C12orf56: variants seen among roughly 807,000 people sequenced by gnomAD.
C12orf56 encodes the protein uncharacterized protein C12orf56.
C12orf56 carries 71 observed loss-of-function variants against 69.9 expected under a neutral mutation model. The observed-to-expected ratio is 1.02, with a 90% CI of 0.84 to 1.24. C12orf56 has a LOEUF of 1.24. Ranked by LOEUF, C12orf56 falls within the 50% of genes most tolerant of loss-of-function variation. The pLI, the probability that C12orf56 is intolerant of heterozygous loss-of-function variation, is 0.00. For synonymous variants in C12orf56, 276 were observed against 274.1 expected, an observed-to-expected ratio of 1.01 and a Z score of -0.07; for missense variants, 732 against 738.5, an observed-to-expected ratio of 0.99 and a Z score of 0.10.
chr12:64,347,285 T>A (rs1341905522), intron 2 of C12orf56, among the ~76,000 whole-genome samples: 1 of 12,788 alleles, frequency 7.8e-5, no homozygotes, highest in African/African-American at 1.6e-4. Context: ...GCCTAGTAAC[T>A]TTTTTTTTTT....
At chr12:64,312,437 G>A (rs1480796077) in intron 5 of C12orf56, among the ~76,000 whole-genome samples, 1 of 152,128 alleles carries the variant, frequency 6.6e-6, no homozygotes, top group Non-Finnish European at 1.5e-5. Context: ...CGAAACTCCT[G>A]TCTCCACTAA....
intron 3 of C12orf56, among the ~76,000 whole-genome samples, chr12:64,319,363 A>T (rs2038738990): frequency 6.6e-6 from 1 of 152,144 alleles, no homozygotes; most frequent in Non-Finnish European, 1.5e-5. Flanking sequence ...ATAAAGAAAA[A>T]ACAATTCAAA....
chr12:64,269,154 C>T, intron 12 of C12orf56, among the ~76,000 whole-genome samples: 1 of 123,870 alleles, frequency 8.1e-6, no homozygotes, highest in Admixed American at 8.2e-5. Context: ...AAAAAAAAGT[C>T]TATAAATTGG....
At chr12:64,378,833 T>C (rs1458745871) in intron 1 of C12orf56, among the ~76,000 whole-genome samples, 1 of 152,030 alleles carries the variant, frequency 6.6e-6, no homozygotes, top group Non-Finnish European at 1.5e-5. Context: ...GGTGGATCAC[T>C]TGAGGCCAGG....
intron 1 of C12orf56, among the ~76,000 whole-genome samples, chr12:64,379,927 C>CAA (rs200293677): frequency 1.2e-4 from 14 of 114,122 alleles, no homozygotes; most frequent in African/African-American, 4.2e-4. Context: ...ACTAAAAATA[C>CAA]AAAAAAAAAA....
At position 64,348,860 on chromosome 12, in the gene C12orf56, T is replaced by G. The variant is rs188926990; in HGVS notation, c.415+4034A>C. On this transcript the variant is annotated intron_variant, in intron 2 of 12. Transcript: ENST00000543942. ...TTGACAGATGCTCTCAAATTCAGGT[T>G]TCTGATAACTTTTGAGATTGTGACA... Among the ~76,000 whole-genome samples the G allele has an allele frequency of 1.9e-4, 29 of 152,324 alleles. No homozygotes were observed. In the East Asian group the frequency reaches 5.0e-3, roughly 26 times the overall value.
intron 3 of C12orf56, among the ~76,000 whole-genome samples, chr12:64,325,095 A>G (rs1014329536): frequency 6.6e-6 from 1 of 152,136 alleles, no homozygotes; most frequent in Non-Finnish European, 1.5e-5. Context: ...ATTCTTATAC[A>G]TGACCAAGAT....
intron 5 of C12orf56, among the ~76,000 whole-genome samples, chr12:64,305,600 C>T (rs987071375): frequency 6.6e-6 from 1 of 152,158 alleles, no homozygotes; most frequent in Non-Finnish European, 1.5e-5. Context: ...CTGGGCTGGT[C>T]TCAAACTCCT....
chr12:64,344,992 C>A (rs573582575), intron 2 of C12orf56, among the ~76,000 whole-genome samples: 62 of 152,256 alleles, frequency 4.1e-4, no homozygotes, highest in Non-Finnish European at 8.7e-4. Context: ...GGGGCCAAAT[C>A]AATAAATTCA....
chr12:64,337,572 A>G (rs757359831), intron 2 of C12orf56, among the ~76,000 whole-genome samples: 3 of 152,166 alleles, frequency 2.0e-5, no homozygotes, highest in Non-Finnish European at 4.4e-5. Flanking sequence ...AAAACGGGAC[A>G]TAGACCAGGC....
intron 12 of C12orf56, among the ~76,000 whole-genome samples, chr12:64,269,940 G>A (rs574076230): frequency 2.6e-5 from 4 of 152,078 alleles, no homozygotes; most frequent in East Asian, 1.9e-4. Context: ...TACTACTTCC[G>A]TGAGATGCAG....
intron 2 of C12orf56, chr12:64,338,367 T>C (rs2039024938): frequency 4.6e-6 from 3 of 655,788 alleles, no homozygotes; most frequent in African/African-American, 1.8e-5. Context: ...AGATATATAA[T>C]GGGGACCTCC....
chr12:64,338,517 C>T, intron 2 of C12orf56: 1 of 1,167,394 alleles, frequency 8.6e-7, no homozygotes, highest in Non-Finnish European at 1.3e-6. Flanking sequence ...TGGTACAAAC[C>T]TGTGGTAAGG....
intron 3 of C12orf56, among the ~76,000 whole-genome samples, chr12:64,324,958 G>A (rs73311823): frequency 0.021 from 3,125 of 152,156 alleles, 105 homozygotes; most frequent in African/African-American, 0.072. Context: ...TCAAACCTTG[G>A]TAGCTAGCTA....
rs201401024 is a variant in C12orf56, at chr12:64,352,984, A to T, written c.325T>A (p.Ser109Thr). The T allele has an allele frequency of 9.4e-5, 151 of 1,613,178 alleles. 1 individual carries two copies. The highest frequency in any genetic ancestry group is 2.0e-5 in the Non-Finnish European group (24 of 1,179,722). Residue 109 changes from serine to threonine, a missense_variant, in exon 2 of 13, where the codon TCA becomes ACA. Coordinates refer to ENST00000543942, the MANE Select transcript of C12orf56 (RefSeq NM_001170633.2). Reference sequence around the variant, plus strand: ...TTACACTCTTTTTTCAAAACGGTTGAAGAATAGATGATACGAATGTGTTGG... The same window carrying T: ...TTACACTCTTTTTTCAAAACGGTTGTAGAATAGATGATACGAATGTGTTGG... ...ISQHIRIIYS[S>T]TVLKKECKKS...
chr12:64,349,156 G>T (rs952787725), intron 2 of C12orf56, among the ~76,000 whole-genome samples: 1 of 152,028 alleles, frequency 6.6e-6, no homozygotes, highest in Non-Finnish European at 1.5e-5. Context: ...AATCTACTAC[G>T]AACTCAAATG....
chr12:64,382,664 G>T (rs1338445446), intron 1 of C12orf56, among the ~76,000 whole-genome samples: 2 of 151,144 alleles, frequency 1.3e-5, no homozygotes, highest in Non-Finnish European at 3.0e-5. Context: ...CACAAGGTCA[G>T]GAGATCGAAA....
At chr12:64,366,330 ATAT>A (rs1475465510) in intron 1 of C12orf56, among the ~76,000 whole-genome samples, 3 of 104,722 alleles carry the variant, frequency 2.9e-5, no homozygotes, top group Non-Finnish European at 5.1e-5. Flanking sequence ...ATTATATATT[ATAT>A]ACAGTTTATA....
At chr12:64,337,577 C>G (rs542146165) in intron 2 of C12orf56, among the ~76,000 whole-genome samples, 4 of 152,124 alleles carry the variant, frequency 2.6e-5, no homozygotes, top group Non-Finnish European at 5.9e-5. Context: ...GGGACATAGA[C>G]CAGGCACAGT....
Sources: gnomAD v4.1 joint callset for allele counts (sites outside exome capture counted in the v4.1 genomes callset) on GRCh38, gnomAD v4.1.1 for gene constraint, MANE v1.5 for transcripts, NCBI Gene and HGNC (gene_info 2026-07-23, HGNC 2026-07-21) for gene names.